Variants in KMT2C observed in about 807,000 individuals in gnomAD.
The protein encoded by KMT2C is lysine methyltransferase 2C, also known as histone-lysine N-methyltransferase 2C.
A neutral mutation model predicts 507.9 loss-of-function variants in KMT2C; 88 were observed. The ratio of observed to expected loss-of-function variants is 0.17; its 90% CI spans 0.15 to 0.21. The LOEUF is 0.21. Ranked by LOEUF, KMT2C falls within the 10% of genes least tolerant of loss-of-function variation. The pLI is 1.00. For synonymous variants in KMT2C, 2,049 were observed against 2,080.8 expected (o/e 0.98, Z 0.42); for missense variants, 4,954 against 5,957.8 (o/e 0.83, Z 5.55).
In KMT2C at chr7:152,423,454, G is replaced by A. The variant is rs116526559; in HGVS notation, c.161+12172C>T. 8.6e-3 allele frequency among the ~76,000 whole-genome samples: 1,305 copies of A among 152,322 alleles called. 21 individuals carry two copies. The highest frequency in any genetic ancestry group is 0.03 in the African/African-American group (1,258 of 41,576). ...AGAAAACATACAATATTTCTTCAAA[G>A]GAGGAGGCTGTGTGCCCTTGGACTC... is the stretch of plus-strand genomic sequence containing the variant. On this transcript the variant is annotated intron_variant, in intron 1 of 58. Coordinates refer to ENST00000262189, the MANE Select transcript of KMT2C (RefSeq NM_170606.3).
At chr7:152,360,145 C>A (rs1014692150) in intron 1 of KMT2C, among the ~76,000 whole-genome samples, 10 of 145,732 alleles carry the variant, frequency 6.9e-5, no homozygotes, top group African/African-American at 2.5e-4. Context: ...ATGTTTTAAA[C>A]AATAAGAAAT....
intron 6 of KMT2C, among the ~76,000 whole-genome samples, chr7:152,295,946 T>C (rs2096489564): frequency 6.6e-6 from 1 of 151,044 alleles, no homozygotes; most frequent in Admixed American, 6.6e-5. Flanking sequence ...CGGGTGCCTA[T>C]AGTCCCAGCT....
intron 23 of KMT2C, among the ~76,000 whole-genome samples, chr7:152,208,679 G>T (rs1450763834): frequency 1.3e-5 from 2 of 152,176 alleles, no homozygotes; most frequent in Non-Finnish European, 2.9e-5. Context: ...ACAGGAAAAA[G>T]ACATGTTTAT....
At chr7:152,315,019 G>A in intron 4 of KMT2C, 119 bp downstream of exon 4, 2 of 782,920 alleles carry the variant, frequency 2.6e-6, no homozygotes, top group Non-Finnish European at 4.1e-6. Flanking sequence ...CATAAATGTG[G>A]AGAACAGGAG....
Position 152,435,729 on chromosome 7 carries a change from CG to C in KMT2C, c.57del (p.Glu20ArgfsTer85). On this transcript the variant is annotated frameshift_variant, in exon 1 of 59. Transcript: ENST00000262189. LOFTEE classifies it high-confidence loss of function. ...CTCGGGGCCGGGGCTCCAGGCTCCT[CG>C]GGGGGTGGTGGCGGCGGCTGCGGCT... ...VEQPQPPPPP[P>X]EEPGAPAPSP... 2.2e-5 allele frequency: 33 copies of C among 1,525,450 alleles called. No individual in the cohort carries two copies. The highest frequency in any genetic ancestry group is 1.0e-4 in the Admixed American group (5 of 48,766). 94.5% of individuals were successfully genotyped at this position (1,525,450 alleles called of 1,614,324 possible). A position where few individuals can be genotyped will look rare whatever the true frequency, so the allele number is the denominator to read the frequency against.
intron 2 of KMT2C, among the ~76,000 whole-genome samples, chr7:152,339,546 T>A (rs140062348): frequency 1.3e-5 from 2 of 152,350 alleles, no homozygotes; most frequent in African/African-American, 2.4e-5. Context: ...ATGCAATTGT[T>A]TATCTTTGTA....
chr7:152,190,066 A>G (rs1588075419), intron 31 of KMT2C, among the ~76,000 whole-genome samples: 6 of 152,168 alleles, frequency 3.9e-5, no homozygotes, highest in Admixed American at 3.9e-4. Context: ...GCATGTTCCT[A>G]TGAGAATCTA....
At chr7:152,272,521 C>T (rs1172613379) in intron 7 of KMT2C, among the ~76,000 whole-genome samples, 1 of 152,132 alleles carries the variant, frequency 6.6e-6, no homozygotes, top group African/African-American at 2.4e-5. Flanking sequence ...CCAGTTTATG[C>T]ACTTGCTGAA....
intron 23 of KMT2C, among the ~76,000 whole-genome samples, chr7:152,213,115 A>G: frequency 6.6e-6 from 1 of 152,250 alleles, no homozygotes; most frequent in Non-Finnish European, 1.5e-5. Flanking sequence ...AGATTGGAAG[A>G]ATATTGTTAA....
intron 7 of KMT2C, among the ~76,000 whole-genome samples, chr7:152,266,332 C>T (rs1192503388): frequency 2.6e-5 from 4 of 152,064 alleles, no homozygotes; most frequent in Admixed American, 2.6e-4. Flanking sequence ...GTAACCTCCG[C>T]CTCCCAGGTT....
rs188979456 is a variant in KMT2C, at chr7:152,330,007, G to A, written c.389+594C>T. 2.3e-3 allele frequency among the ~76,000 whole-genome samples: 348 copies of A among 151,854 alleles called. 1 individual carries two copies. The highest frequency in any genetic ancestry group is 4.3e-3 in the Admixed American group (66 of 15,250). ...AAAAACACAAAAATTAGCTGGGCATGGTGGTGCATGCCTATAATCCTAGCT... is the reference window on the plus strand; with the variant it reads ...AAAAACACAAAAATTAGCTGGGCATAGTGGTGCATGCCTATAATCCTAGCT... On this transcript the variant is annotated intron_variant, in intron 3 of 58. Coordinates refer to ENST00000262189, the MANE Select transcript of KMT2C (RefSeq NM_170606.3).
At position 152,138,699 on chromosome 7, in the gene KMT2C, A is replaced by G; in HGVS notation, c.14643+97T>C. 1.3e-6 allele frequency: 1 copy of G among 789,950 alleles called. No homozygotes were observed. The highest frequency in any genetic ancestry group is 2.4e-4 in the Middle Eastern group (1 of 4,110). The allele number at this position is 789,950 out of a possible 1,614,324, so 48.9% of individuals were successfully genotyped here. A position where few individuals can be genotyped will look rare whatever the true frequency, so the allele number is the denominator to read the frequency against. On this transcript the variant is annotated intron_variant, in intron 58 of 58. Coordinates refer to ENST00000262189, the MANE Select transcript of KMT2C (RefSeq NM_170606.3). The surrounding 1 kb of genome is among the most constrained non-coding windows in gnomAD (Gnocchi z 4.2). The stretch of plus-strand genomic sequence containing the variant: ...ATGGACAGAGTTTTTATCACAACAA[A>G]GAATTGGGAAACAAGTGAGTAAGTG...
Position 152,272,272 on chromosome 7 carries a change from T to C in KMT2C, c.1012+1433A>G, listed in dbSNP as rs530353730. ...ATGATTGCTAACATGTAACTGAAGG[T>C]ATACACTGTTAGAACACAGTTTTCA... On this transcript the variant is annotated intron_variant, in intron 7 of 58. Transcript: ENST00000262189. Among the ~76,000 whole-genome samples the C allele has an allele frequency of 3.3e-5, 5 of 152,308 alleles. No individual in the cohort carries two copies. In the East Asian group the frequency reaches 9.6e-4, roughly 29 times the overall value.
chr7:152,201,920 T>C (rs76621285), intron 26 of KMT2C, among the ~76,000 whole-genome samples: 7,394 of 152,144 alleles, frequency 0.049, 291 homozygotes, highest in East Asian at 0.17. Flanking sequence ...TGGAATGGTG[T>C]TTAAATCCTG....
chr7:152,192,478 T>C (rs1216942579), intron 31 of KMT2C, among the ~76,000 whole-genome samples: 1 of 151,702 alleles, frequency 6.6e-6, no homozygotes, highest in Non-Finnish European at 1.5e-5. Context: ...AGGGCAGAGG[T>C]TGCAGTGAGC....
intron 6 of KMT2C, among the ~76,000 whole-genome samples, chr7:152,277,616 T>C (rs1316139401): frequency 1.3e-5 from 2 of 152,126 alleles, no homozygotes; most frequent in African/African-American, 4.8e-5. Flanking sequence ...ACTCCCTGAA[T>C]GGCAGCTTCA....
chr7:152,274,245 T>G (rs1329948502), intron 6 of KMT2C, among the ~76,000 whole-genome samples: 2 of 152,092 alleles, frequency 1.3e-5, no homozygotes, highest in Non-Finnish European at 2.9e-5. Flanking sequence ...AAACTAGTAA[T>G]AGGAACATAT....
intron 2 of KMT2C, among the ~76,000 whole-genome samples, chr7:152,335,840 A>G (rs929732377): frequency 2.0e-5 from 3 of 152,228 alleles, no homozygotes; most frequent in Admixed American, 6.5e-5. Context: ...GTAGGTTTGC[A>G]GGTATACAAC....
intron 2 of KMT2C, among the ~76,000 whole-genome samples, chr7:152,347,105 C>A (rs978967357): frequency 1.3e-5 from 2 of 151,508 alleles, no homozygotes; most frequent in South Asian, 2.1e-4. Context: ...GCCAGGGAGA[C>A]AAGGAAAAGG....
Sources: allele counts gnomAD v4.1 joint callset (sites outside exome capture counted in the v4.1 genomes callset), GRCh38; gene constraint gnomAD v4.1.1; non-coding constraint Gnocchi (gnomAD v3.1); transcripts MANE v1.5; gene names NCBI Gene and HGNC (gene_info 2026-07-23, HGNC 2026-07-21).